Variants in ZFPM2 observed in about 807,000 individuals in gnomAD.
ZFPM2 encodes zinc finger protein, FOG family member 2.
In ZFPM2, 20 loss-of-function variants were observed where a neutral mutation model predicts 98.6. The observed-to-expected ratio is 0.20, with a 90% CI of 0.14 to 0.29. ZFPM2 has a LOEUF of 0.29. Among genes scored for constraint, ZFPM2 ranks in the 10% least tolerant of loss-of-function variants. ZFPM2 has a pLI of 1.00. For synonymous variants in ZFPM2, 518 were observed against 502.7 expected (o/e 1.03, Z -0.41); for missense variants, 1,310 against 1,388.6 (o/e 0.94, Z 0.90).
rs189030134 is a variant in ZFPM2 at position 105,766,483 on chromosome 8, A to G, written c.533-22235A>G. Among the ~76,000 whole-genome samples the G allele has an allele frequency of 2.0e-4, 30 of 152,020 alleles. No individual in the cohort carries two copies. In the East Asian group the frequency reaches 5.6e-3, roughly 29 times the overall value. On this transcript the variant is annotated intron_variant, in intron 5 of 7. Transcript: ENST00000407775. ...ACAGGATCAGACTTGTGTTTCAGCC[A>G]CACATTCTTGCATAAGTGCGCAGCT...
intron 5 of ZFPM2, among the ~76,000 whole-genome samples, chr8:105,734,205 G>T (rs1052729507): frequency 1.3e-4 from 19 of 151,800 alleles, no homozygotes; most frequent in Non-Finnish European, 2.5e-4. Context: ...TAGTTATGAG[G>T]TATTTTATCT....
chr8:105,622,828 TAAAAC>T (rs963846762), intron 4 of ZFPM2, among the ~76,000 whole-genome samples: 3 of 151,982 alleles, frequency 2.0e-5, no homozygotes, highest in African/African-American at 7.2e-5. Context: ...AAAAACAAAA[TAAAAC>T]AAACAAAACT....
At chr8:105,411,222 A>C (rs1218494335) in intron 1 of ZFPM2, among the ~76,000 whole-genome samples, 1 of 151,856 alleles carries the variant, frequency 6.6e-6, no homozygotes, top group Non-Finnish European at 1.5e-5. Flanking sequence ...TGCTGCTTTC[A>C]GTTGCAAATG....
At chr8:105,798,189 C>T (rs1404902186) in intron 6 of ZFPM2, 1 of 152,474 alleles carries the variant, frequency 6.6e-6, no homozygotes, top group Non-Finnish European at 1.5e-5. Flanking sequence ...GTGGCTTACA[C>T]CTGTAACTGC....
chr8:105,458,430 A>T (rs1311272529), intron 3 of ZFPM2, among the ~76,000 whole-genome samples: 1 of 152,198 alleles, frequency 6.6e-6, no homozygotes, highest in Non-Finnish European at 1.5e-5. Context: ...TTTAAAAAAA[A>T]AAAATTTGTT....
intron 1 of ZFPM2, among the ~76,000 whole-genome samples, chr8:105,351,698 A>C (rs1259364561): frequency 6.6e-6 from 1 of 152,148 alleles, no homozygotes; most frequent in African/African-American, 2.4e-5. Context: ...TAAAAGTGTA[A>C]ATGATGAAAT....
At chr8:105,362,174 A>G (rs1810413415) in intron 1 of ZFPM2, among the ~76,000 whole-genome samples, 1 of 152,128 alleles carries the variant, frequency 6.6e-6, no homozygotes, top group Admixed American at 6.5e-5. Flanking sequence ...TCTGAGACTC[A>G]ATTATAACTT....
At chr8:105,645,478 GTTGACACTTTTCTCCAATGGC>G (rs1817025432) in intron 5 of ZFPM2, among the ~76,000 whole-genome samples, 1 of 152,154 alleles carries the variant, frequency 6.6e-6, no homozygotes. Flanking sequence ...CGTATTTAAT[GTTGACACTTTTCTCCAATGGC>G]TTGAGATACA....
chr8:105,431,886 C>G (rs1441671902), intron 2 of ZFPM2, among the ~76,000 whole-genome samples: 1 of 141,288 alleles, frequency 7.1e-6, no homozygotes, highest in Non-Finnish European at 1.5e-5. Context: ...TACCATACCA[C>G]TGTTCAGACT....
At chr8:105,449,138 C>T (rs1812437116) in intron 3 of ZFPM2, among the ~76,000 whole-genome samples, 1 of 152,012 alleles carries the variant, frequency 6.6e-6, no homozygotes, top group Non-Finnish European at 1.5e-5. Context: ...CTTATTAAAA[C>T]ATGGTTACTA....
At position 105,790,005 on chromosome 8, in the gene ZFPM2, C is replaced by G. The variant is rs1228487361; in HGVS notation, c.739+1081C>G. 2.0e-3 allele frequency among the ~76,000 whole-genome samples: 301 copies of G among 151,486 alleles called. 2 individuals carry two copies. Among genetic ancestry groups the G allele is most frequent in the African/African-American group, 5.5e-3 (228 of 41,138 alleles). On this transcript the variant is annotated intron_variant, in intron 6 of 7. Coordinates refer to ENST00000407775, the MANE Select transcript of ZFPM2 (RefSeq NM_012082.4). ...TATTAGCCCTTTGTCAGATGAGTAG[C>G]TTGCGAAAATTTTCTCCCATTTTGT...
At chr8:105,453,274 C>G (rs1484814525) in intron 3 of ZFPM2, among the ~76,000 whole-genome samples, 1 of 152,036 alleles carries the variant, frequency 6.6e-6, no homozygotes. Context: ...GTATGTTCTA[C>G]CAGAAATTGA....
At chr8:105,576,223 G>C (rs1371680446) in intron 4 of ZFPM2, among the ~76,000 whole-genome samples, 1 of 152,146 alleles carries the variant, frequency 6.6e-6, no homozygotes, top group Non-Finnish European at 1.5e-5. Flanking sequence ...TGGGCATCAA[G>C]TCAATACACT....
chr8:105,405,427 C>A (rs1354729466), intron 1 of ZFPM2, among the ~76,000 whole-genome samples: 1 of 132,488 alleles, frequency 7.5e-6, no homozygotes, highest in Non-Finnish European at 1.6e-5. Flanking sequence ...CTATCCCTCC[C>A]CCCTCCCCCA....
chr8:105,644,696 A>T (rs1322906114), intron 5 of ZFPM2, among the ~76,000 whole-genome samples: 2 of 152,180 alleles, frequency 1.3e-5, no homozygotes, highest in Non-Finnish European at 1.5e-5. Context: ...GAAGTCCATG[A>T]TTAGGATGCT....
At chr8:105,388,634 A>C (rs1384563123) in intron 1 of ZFPM2, among the ~76,000 whole-genome samples, 1 of 152,170 alleles carries the variant, frequency 6.6e-6, no homozygotes, top group Non-Finnish European at 1.5e-5. Context: ...ACATAATGGG[A>C]TTTACCTTTT....
chr8:105,554,120 G>A (rs1814928872), intron 3 of ZFPM2, among the ~76,000 whole-genome samples: 1 of 152,184 alleles, frequency 6.6e-6, no homozygotes, highest in African/African-American at 2.4e-5. Flanking sequence ...ATTAGAAAAA[G>A]TATCTCTATA....
rs377601070 is a variant in ZFPM2 at position 105,623,926 on chromosome 8, C to A, written c.421-10320C>A. Among the ~76,000 whole-genome samples, 7 of 152,242 alleles carry A rather than the reference C, an allele frequency of 4.6e-5. No individual in the cohort carries two copies. The East Asian group carries it at 9.7e-4, about 21-fold the overall frequency. On this transcript the variant is annotated intron_variant, in intron 4 of 7. Transcript: ENST00000407775. ...GGCTTTATTTAGCAATTGGCCAATG[C>A]AAATAGTAAAGCTTCCTTAAGTAAG... is the stretch of plus-strand genomic sequence containing the variant.
chr8:105,349,547 G>A (rs921267765), intron 1 of ZFPM2, among the ~76,000 whole-genome samples: 2 of 152,158 alleles, frequency 1.3e-5, no homozygotes, highest in African/African-American at 2.4e-5. Context: ...GAAATTCTCA[G>A]TGAAGGGTTT....
Sources: gnomAD v4.1 joint callset for allele counts (sites outside exome capture counted in the v4.1 genomes callset) on GRCh38, gnomAD v4.1.1 for gene constraint, MANE v1.5 for transcripts, NCBI Gene and HGNC (gene_info 2026-07-23, HGNC 2026-07-21) for gene names.